ADAMTS20: variants seen among roughly 807,000 people sequenced by gnomAD.
ADAMTS20 encodes the protein A disintegrin and metalloproteinase with thrombospondin motifs 20.
A neutral mutation model predicts 260.1 loss-of-function variants in ADAMTS20; 225 were observed. The observed-to-expected ratio is 0.87, with a 90% CI of 0.78 to 0.97. The LOEUF (loss-of-function observed/expected upper bound fraction) is 0.97, where lower values mean the gene tolerates loss of function less well. Among genes scored for constraint, ADAMTS20 ranks in the 50% least tolerant of loss-of-function variants. The pLI, the probability that ADAMTS20 is intolerant of heterozygous loss-of-function variation, is 0.00. For synonymous variants in ADAMTS20, 802 were observed against 769.5 expected, an observed-to-expected ratio of 1.04 and a Z score of -0.70; for missense variants, 2,400 against 2,337.7, an observed-to-expected ratio of 1.03 and a Z score of -0.55.
At chr12:43,409,543 A>C (rs1177775376) in intron 28 of ADAMTS20, among the ~76,000 whole-genome samples, 1 of 130,446 alleles carries the variant, frequency 7.7e-6, no homozygotes, top group Non-Finnish European at 1.6e-5. Context: ...CGGAGCTTGC[A>C]GTGAGCCGAG....
intron 4 of ADAMTS20, 73 bp from the exon 5 acceptor site, chr12:43,493,326 A>T: frequency 9.2e-7 from 1 of 1,086,646 alleles, no homozygotes; most frequent in African/African-American, 1.6e-5. Context: ...TGAAATAGTC[A>T]CAGAGTATCA....
chr12:43,514,349 G>A (rs1942968518), intron 3 of ADAMTS20, among the ~76,000 whole-genome samples: 2 of 151,744 alleles, frequency 1.3e-5, no homozygotes, highest in Non-Finnish European at 1.5e-5. Context: ...CAGATCATGA[G>A]GTCAGAAGAT....
At chr12:43,463,685 A>T (rs893593158) in intron 10 of ADAMTS20, among the ~76,000 whole-genome samples, 1 of 152,218 alleles carries the variant, frequency 6.6e-6, no homozygotes, top group Non-Finnish European at 1.5e-5. Flanking sequence ...TTTTAGGAAG[A>T]ATAGTCGCTA....
intron 28 of ADAMTS20, chr12:43,422,856 G>A (rs1592060450): frequency 6.6e-6 from 1 of 152,024 alleles, no homozygotes; most frequent in East Asian, 1.9e-4. Flanking sequence ...GGACTTTAAT[G>A]AGCATTCAGA....
chr12:43,424,196 C>A (rs1941287746), intron 28 of ADAMTS20, among the ~76,000 whole-genome samples: 1 of 152,042 alleles, frequency 6.6e-6, no homozygotes, highest in South Asian at 2.1e-4. Flanking sequence ...AAACTCAAAT[C>A]AGTTCACTTA....
chr12:43,358,011 C>T (rs1160806950), intron 37 of ADAMTS20, among the ~76,000 whole-genome samples: 1 of 152,196 alleles, frequency 6.6e-6, no homozygotes, highest in Non-Finnish European at 1.5e-5. Context: ...CCTCCAATCT[C>T]ACATTCCTTC....
chr12:43,511,125 A>C (rs1300222387), intron 3 of ADAMTS20, among the ~76,000 whole-genome samples: 1 of 152,086 alleles, frequency 6.6e-6, no homozygotes, highest in Non-Finnish European at 1.5e-5. Flanking sequence ...CTTCTCCTGC[A>C]GAGTCCTTGC....
At chr12:43,502,118 T>G in intron 4 of ADAMTS20, 34 bp downstream of exon 4, 1 of 1,498,118 alleles carries the variant, frequency 6.7e-7, no homozygotes, top group Non-Finnish European at 8.9e-7. Flanking sequence ...CTAAACATTT[T>G]AGGAAATATA....
chr12:43,473,088 A>G (rs1942295011), intron 7 of ADAMTS20, among the ~76,000 whole-genome samples: 1 of 53,928 alleles, frequency 1.9e-5, no homozygotes, highest in Non-Finnish European at 3.7e-5. Context: ...TATTCAGGAA[A>G]CCCATCTCAC....
chr12:43,370,721 T>C (rs773669007), intron 36 of ADAMTS20, among the ~76,000 whole-genome samples: 3 of 152,212 alleles, frequency 2.0e-5, no homozygotes, highest in Non-Finnish European at 4.4e-5. Flanking sequence ...TTTCTCCAAA[T>C]TTATTTGCCC....
intron 28 of ADAMTS20, among the ~76,000 whole-genome samples, chr12:43,415,178 G>T (rs1017189326): frequency 3.9e-5 from 6 of 152,148 alleles, no homozygotes; most frequent in Admixed American, 3.9e-4. Flanking sequence ...TTTGATGTCA[G>T]AAAAGGGTTA....
intron 29 of ADAMTS20, among the ~76,000 whole-genome samples, chr12:43,385,665 A>C (rs1940457046): frequency 1.3e-5 from 2 of 152,150 alleles, no homozygotes; most frequent in Admixed American, 1.3e-4. Context: ...TTTTCTGCAT[A>C]TGGCTAGCCA....
At chr12:43,467,019 C>T (rs1942167081) in intron 8 of ADAMTS20, among the ~76,000 whole-genome samples, 1 of 151,872 alleles carries the variant, frequency 6.6e-6, no homozygotes, top group African/African-American at 2.4e-5. Flanking sequence ...TGAATCTACA[C>T]AATCAAAATA....
intron 3 of ADAMTS20, among the ~76,000 whole-genome samples, chr12:43,516,673 A>G (rs1458145529): frequency 6.6e-6 from 1 of 152,126 alleles, no homozygotes; most frequent in Admixed American, 6.5e-5. Context: ...CGTATGGTCC[A>G]TTATTTTAAT....
chr12:43,375,522 C>T lies in ADAMTS20; in HGVS notation c.5313-10G>A. 8.7e-6 allele frequency: 14 copies of T among 1,612,262 alleles called. No homozygotes were observed. The highest frequency in any genetic ancestry group is 1.2e-5 in the Non-Finnish European group (14 of 1,179,126). On this transcript the variant is annotated splice_polypyrimidine_tract_variant and intron_variant, in intron 35 of 38. Transcript: ENST00000389420. ...ATATGGATTTTTTAGTCTGTAACAA[C>T]ATTGGGATATTTTAGTATTAGATGC...
chr12:43,408,980 A>G (rs936636849), intron 28 of ADAMTS20, among the ~76,000 whole-genome samples: 1 of 152,180 alleles, frequency 6.6e-6, no homozygotes, highest in Admixed American at 6.5e-5. Context: ...AACCTGAAAT[A>G]GTGCTTGACA....
intron 10 of ADAMTS20, 27 bp from the exon 11 acceptor site, chr12:43,463,026 C>G (rs377682127): frequency 1.3e-6 from 2 of 1,533,910 alleles, no homozygotes; most frequent in African/African-American, 2.7e-5. Context: ...GGCAGGCAAG[C>G]CAGTGTAAAG....
intron 28 of ADAMTS20, among the ~76,000 whole-genome samples, chr12:43,414,704 G>C (rs1220689357): frequency 6.6e-6 from 1 of 151,818 alleles, no homozygotes; most frequent in African/African-American, 2.4e-5. Context: ...CAAGGATTTG[G>C]GGCAACTGGA....
At chr12:43,507,195 A>G (rs1203074680) in intron 3 of ADAMTS20, among the ~76,000 whole-genome samples, 1 of 152,204 alleles carries the variant, frequency 6.6e-6, no homozygotes, top group Non-Finnish European at 1.5e-5. Flanking sequence ...ACATATATCA[A>G]TCATCATGAT....
Sources: gnomAD v4.1 joint callset for allele counts (sites outside exome capture counted in the v4.1 genomes callset) on GRCh38, gnomAD v4.1.1 for gene constraint, MANE v1.5 for transcripts, NCBI Gene and HGNC (gene_info 2026-07-23, HGNC 2026-07-21) for gene names.